The following DGKI variants were observed in gnomAD, a reference collection of about 807,000 sequenced individuals.
DGKI encodes DAG kinase iota.
A neutral mutation model predicts 147.5 loss-of-function variants in DGKI; 55 were observed. The ratio of observed to expected loss-of-function variants is 0.37; its 90% CI spans 0.30 to 0.47. The LOEUF (loss-of-function observed/expected upper bound fraction) is 0.47, where lower values mean the gene tolerates loss of function less well. Among genes scored for constraint, DGKI ranks in the 20% least tolerant of loss-of-function variants. DGKI has a pLI of 1.00. For synonymous variants in DGKI, 469 were observed against 477.1 expected, an observed-to-expected ratio of 0.98 and a Z score of 0.22; for missense variants, 1,007 against 1,323.8, an observed-to-expected ratio of 0.76 and a Z score of 3.71.
chr7:137,620,084 GCACA>G, intron 7 of DGKI, 144 bp from the exon 8 acceptor site: 5 of 618,910 alleles, frequency 8.1e-6, no homozygotes, highest in Non-Finnish European at 1.2e-5. Flanking sequence ...ACATATGCAT[GCACA>G]CATGCACACA....
intron 12 of DGKI, among the ~76,000 whole-genome samples, chr7:137,590,010 CAAT>C (rs549593009): frequency 9.0e-5 from 13 of 144,394 alleles, no homozygotes; most frequent in African/African-American, 3.1e-4. Context: ...TCAGACACAA[CAAT>C]GATAGAAAAG....
At chr7:137,790,895 T>G (rs1437636723) in intron 1 of DGKI, among the ~76,000 whole-genome samples, 1 of 152,182 alleles carries the variant, frequency 6.6e-6, no homozygotes, top group Admixed American at 6.5e-5. Context: ...CTCAAAGGAT[T>G]AGGCAACCTT....
chr7:137,568,347 C>A (rs1328701841), intron 19 of DGKI, among the ~76,000 whole-genome samples: 2 of 152,194 alleles, frequency 1.3e-5, no homozygotes, highest in Non-Finnish European at 2.9e-5. Flanking sequence ...TCAGTCACGT[C>A]ACGCATTGCC....
chr7:137,546,543 G>A (rs1045865574), intron 20 of DGKI, among the ~76,000 whole-genome samples: 1 of 152,158 alleles, frequency 6.6e-6, no homozygotes, highest in African/African-American at 2.4e-5. Context: ...TACCAAGAAA[G>A]TCTAATTGTA....
intron 3 of DGKI, among the ~76,000 whole-genome samples, chr7:137,669,057 C>T (rs1338082645): frequency 1.3e-5 from 2 of 152,108 alleles, no homozygotes; most frequent in African/African-American, 4.8e-5. Flanking sequence ...TTAGGCTTAA[C>T]GAGGTTAAAA....
At chr7:137,522,365 AG>A (rs1247136995) in intron 20 of DGKI, among the ~76,000 whole-genome samples, 1 of 152,066 alleles carries the variant, frequency 6.6e-6, no homozygotes, top group East Asian at 1.9e-4. Flanking sequence ...AGACATGGTC[AG>A]GGGCAGCCTG....
Position 137,828,997 on chromosome 7 carries a change from G to C in DGKI, c.401+17465C>G, listed in dbSNP as rs1798144342. On this transcript the variant is annotated intron_variant, in intron 1 of 32. Transcript: ENST00000614521. ...GAATGATCCTCTTACCCAAATTTTA[G>C]GAATTAATTGCTGGAGAAGCAATAA... Among the ~76,000 whole-genome samples, 8 of 152,092 alleles carry C rather than the reference G, an allele frequency of 5.3e-5. No homozygotes were observed. In the South Asian group the frequency reaches 1.4e-3, roughly 28 times the overall value.
chr7:137,475,802 C>T (rs2128931326), intron 23 of DGKI, among the ~76,000 whole-genome samples: 1 of 152,212 alleles, frequency 6.6e-6, no homozygotes, highest in Admixed American at 6.5e-5. Context: ...CAATGGATGA[C>T]TATTTTAATT....
At chr7:137,617,932 T>C (rs919117930) in intron 8 of DGKI, among the ~76,000 whole-genome samples, 4 of 151,202 alleles carry the variant, frequency 2.6e-5, no homozygotes, top group Admixed American at 6.6e-5. Flanking sequence ...GGATTCATTA[T>C]AACCTTTTTC....
chr7:137,784,329 T>C (rs1056685828), intron 1 of DGKI, among the ~76,000 whole-genome samples: 2 of 152,120 alleles, frequency 1.3e-5, no homozygotes, highest in Non-Finnish European at 2.9e-5. Context: ...GCAATTCTTA[T>C]ATCAGGCAAA....
Position 137,656,383 on chromosome 7 carries a change from G to T in DGKI, c.681+83C>A, listed in dbSNP as rs1001955431. The T allele has an allele frequency of 1.1e-5, 16 of 1,442,010 alleles. No homozygotes were observed. The African/African-American group carries it at 1.3e-4, about 11-fold the overall frequency. The allele number at this position is 1,442,010 out of a possible 1,614,324, so 89.3% of individuals were successfully genotyped here. A position where few individuals can be genotyped will look rare whatever the true frequency, so the allele number is the denominator to read the frequency against. On this transcript the variant is annotated intron_variant, in intron 4 of 32. Coordinates refer to ENST00000614521, the MANE Select transcript of DGKI (RefSeq NM_001321708.2). ...TTTTTAAGGGCATTGTTTTCAAAAA[G>T]TTGGAACTGGAAATTTACACCGGGC...
chr7:137,488,806 G>C (rs908341840), intron 21 of DGKI, among the ~76,000 whole-genome samples: 1 of 152,014 alleles, frequency 6.6e-6, no homozygotes, highest in Non-Finnish European at 1.5e-5. Flanking sequence ...GAATCTCCAC[G>C]TAGTAGAGAA....
chr7:137,433,408 G>C (rs150351080), intron 28 of DGKI, among the ~76,000 whole-genome samples: 2 of 152,242 alleles, frequency 1.3e-5, no homozygotes, highest in East Asian at 3.9e-4. Context: ...CTTTGCAAGA[G>C]GAGGCCACCA....
intron 28 of DGKI, among the ~76,000 whole-genome samples, chr7:137,418,439 T>C (rs1734731514): frequency 6.6e-6 from 1 of 152,198 alleles, no homozygotes; most frequent in Admixed American, 6.5e-5. Flanking sequence ...TGACTACTTC[T>C]GAAGGGATGG....
chr7:137,649,389 T>C (rs1821944086), intron 5 of DGKI, among the ~76,000 whole-genome samples: 1 of 152,208 alleles, frequency 6.6e-6, no homozygotes, highest in African/African-American at 2.4e-5. Flanking sequence ...TGACTGTTGA[T>C]ATATTGTTGT....
At chr7:137,828,324 A>G (rs2117059461) in intron 1 of DGKI, among the ~76,000 whole-genome samples, 1 of 152,370 alleles carries the variant, frequency 6.6e-6, no homozygotes, top group South Asian at 2.1e-4. Context: ...CACATATAAC[A>G]AATTAGTATT....
At chr7:137,666,710 C>T (rs1417179491) in intron 3 of DGKI, among the ~76,000 whole-genome samples, 1 of 152,166 alleles carries the variant, frequency 6.6e-6, no homozygotes, top group Non-Finnish European at 1.5e-5. Context: ...CTGTGCCCCT[C>T]CATCTAGATT....
At chr7:137,738,752 G>A (rs1292703623) in intron 1 of DGKI, among the ~76,000 whole-genome samples, 5 of 135,642 alleles carry the variant, frequency 3.7e-5, no homozygotes, top group Non-Finnish European at 6.2e-5. Flanking sequence ...TTTCATATCC[G>A]ATTTACTAGA....
intron 1 of DGKI, among the ~76,000 whole-genome samples, chr7:137,720,744 C>T (rs772732237): frequency 4.6e-5 from 7 of 152,094 alleles, no homozygotes; most frequent in East Asian, 1.9e-4. Flanking sequence ...ATTAGTATCA[C>T]GCTTCCTTTA....
Sources: gnomAD v4.1 joint callset for allele counts (sites outside exome capture counted in the v4.1 genomes callset) on GRCh38, gnomAD v4.1.1 for gene constraint, MANE v1.5 for transcripts, NCBI Gene and HGNC (gene_info 2026-07-23, HGNC 2026-07-21) for gene names.